The following STARD13 variants were observed in gnomAD, a reference collection of about 807,000 sequenced individuals.
STARD13 encodes StAR related lipid transfer domain containing 13, also known as stAR-related lipid transfer protein 13.
Under a neutral mutation model 106.4 loss-of-function variants are expected in STARD13, and 62 were observed. The ratio of observed to expected loss-of-function variants is 0.58; its 90% CI spans 0.48 to 0.72. The LOEUF (loss-of-function observed/expected upper bound fraction) is 0.72, where lower values mean the gene tolerates loss of function less well. Ranked by LOEUF, STARD13 falls within the 30% of genes least tolerant of loss-of-function variation. The pLI, the probability that STARD13 is intolerant of heterozygous loss-of-function variation, is 0.00. For synonymous variants in STARD13, 565 were observed against 553.0 expected (o/e 1.02, Z -0.31); for missense variants, 1,387 against 1,424.0 (o/e 0.97, Z 0.42).
chr13:33,348,871 T>A, exon 2 of STARD13: 1 of 414,070 alleles, frequency 2.4e-6, no homozygotes. Flanking sequence ...AGAGAAAATG[T>A]GGAATGAACA....
the STARD13 span, among the ~76,000 whole-genome samples, chr13:33,656,031 C>A: frequency 3.3e-5 from 5 of 152,210 alleles, no homozygotes; most frequent in Non-Finnish European, 7.4e-5. Flanking sequence ...TCCTCCCCAC[C>A]TTTCTACTTA....
At chr13:33,468,592 C>T in the STARD13 span, among the ~76,000 whole-genome samples, 1 of 151,204 alleles carries the variant, frequency 6.6e-6, no homozygotes, top group African/African-American at 2.4e-5. Context: ...CCCACTCTCT[C>T]TCTCATCCTC....
the STARD13 span, among the ~76,000 whole-genome samples, chr13:33,499,281 T>C: frequency 6.6e-6 from 1 of 152,358 alleles, no homozygotes; most frequent in African/African-American, 2.4e-5. Context: ...AACAAGTATA[T>C]TAGTCAGCTT....
At chr13:33,280,354 T>A (rs968695660) in intron 1 of STARD13, 3 of 152,150 alleles carry the variant, frequency 2.0e-5, no homozygotes, top group Admixed American at 6.6e-5. Context: ...GTGCCATATC[T>A]ACTTAAAAAT....
chr13:33,449,029 G>T, the STARD13 span, among the ~76,000 whole-genome samples: 2 of 151,364 alleles, frequency 1.3e-5, no homozygotes, highest in Admixed American at 6.6e-5. Flanking sequence ...CTCTCACTCT[G>T]CATGCTGTCT....
the STARD13 span, among the ~76,000 whole-genome samples, chr13:33,538,218 G>A: frequency 1.3e-5 from 2 of 152,104 alleles, no homozygotes; most frequent in African/African-American, 2.4e-5. Context: ...CCGAAGAAGG[G>A]TGCAGAAAAT....
At chr13:33,399,453 G>A in the STARD13 span, among the ~76,000 whole-genome samples, 5 of 152,186 alleles carry the variant, frequency 3.3e-5, no homozygotes, top group African/African-American at 1.2e-4. Context: ...CCAGGACTTT[G>A]GGAGGCCGAG....
chr13:33,126,043 G>C, intron 7 of STARD13, 38 bp downstream of exon 7: 1 of 1,608,046 alleles, frequency 6.2e-7, no homozygotes, highest in Non-Finnish European at 8.5e-7. Flanking sequence ...CCCATGGTTG[G>C]GGGTGGTGGG....
At chr13:33,211,805 C>CTG (rs573541591) in intron 1 of STARD13, among the ~76,000 whole-genome samples, 1,610 of 148,694 alleles carry the variant, frequency 0.011, 30 homozygotes, top group African/African-American at 0.035. Context: ...AGAGCTGACT[C>CTG]TGTGTGTGTG....
At chr13:33,167,425 G>A in intron 2 of STARD13, 126 bp downstream of exon 2, 2 of 898,410 alleles carry the variant, frequency 2.2e-6, no homozygotes, top group Non-Finnish European at 3.5e-6. Context: ...AAAAGGCCGA[G>A]GGAAAAAGAA....
the STARD13 span, among the ~76,000 whole-genome samples, chr13:33,433,558 T>G: frequency 6.6e-6 from 1 of 152,194 alleles, no homozygotes; most frequent in African/African-American, 2.4e-5. Context: ...CATCTGCGTA[T>G]GCGGAGGGGC....
At chr13:33,342,946 C>T (rs916219253) in intron 1 of STARD13, among the ~76,000 whole-genome samples, 1 of 152,224 alleles carries the variant, frequency 6.6e-6, no homozygotes, top group Non-Finnish European at 1.5e-5. Context: ...GCCCCTTCCC[C>T]TTATCTGCAA....
At chr13:33,398,339 T>A in the STARD13 span, among the ~76,000 whole-genome samples, 1 of 152,174 alleles carries the variant, frequency 6.6e-6, no homozygotes, top group African/African-American at 2.4e-5. Context: ...AACAAAAGTA[T>A]CATCTAAAAC....
chr13:33,422,296 T>C, the STARD13 span, among the ~76,000 whole-genome samples: 23,734 of 151,904 alleles, frequency 0.16, 4,425 homozygotes, highest in African/African-American at 0.44. Context: ...TTCATATACA[T>C]CAATAACAGA....
intron 1 of STARD13, among the ~76,000 whole-genome samples, chr13:33,213,993 T>C (rs948330277): frequency 6.6e-6 from 1 of 152,154 alleles, no homozygotes; most frequent in South Asian, 2.1e-4. Context: ...CTAAGCTGGA[T>C]TTCTTCCACT....
chr13:33,477,326 A>G, the STARD13 span, among the ~76,000 whole-genome samples: 1 of 152,206 alleles, frequency 6.6e-6, no homozygotes, highest in South Asian at 2.1e-4. Flanking sequence ...TTACTTGGCT[A>G]TAAGACTTTT....
intron 1 of STARD13, among the ~76,000 whole-genome samples, chr13:33,192,007 C>T (rs909181947): frequency 1.3e-5 from 2 of 152,176 alleles, no homozygotes; most frequent in Non-Finnish European, 2.9e-5. Flanking sequence ...GTGCACATGG[C>T]CTTGGATGGT....
intron 1 of STARD13, chr13:33,278,499 G>A (rs1448492792): frequency 6.6e-6 from 1 of 151,920 alleles, no homozygotes; most frequent in Non-Finnish European, 1.5e-5. Context: ...ACTGCAGGAT[G>A]TTATAAGAAA....
At chr13:33,503,003 G>A in the STARD13 span, among the ~76,000 whole-genome samples, 48 of 152,114 alleles carry the variant, frequency 3.2e-4, no homozygotes, top group Non-Finnish European at 2.9e-4. Context: ...CTATGAATCC[G>A]TCTGGTCTTG....
Sources: allele counts gnomAD v4.1 joint callset (sites outside exome capture counted in the v4.1 genomes callset), GRCh38; gene constraint gnomAD v4.1.1; transcripts MANE v1.5; gene names NCBI Gene and HGNC (gene_info 2026-07-23, HGNC 2026-07-21).